Variants in TNKS observed in about 807,000 individuals in gnomAD.
TNKS encodes poly [ADP-ribose] polymerase tankyrase-1.
Under a neutral mutation model 135.8 loss-of-function variants are expected in TNKS, and 72 were observed. The ratio of observed to expected loss-of-function variants is 0.53; its 90% confidence interval spans 0.44 to 0.64. TNKS has a LOEUF of 0.64. Among genes scored for constraint, TNKS ranks in the 30% least tolerant of loss-of-function variants. TNKS has a pLI of 0.00. For missense variants in TNKS, 1,769 were observed against 1,674.0 expected, an observed-to-expected ratio of 1.06 and a Z score of -0.99; for synonymous variants, 849 against 649.3, an observed-to-expected ratio of 1.31 and a Z score of -4.68.
chr8:9,701,631 C>T (rs773707171), intron 5 of TNKS, among the ~76,000 whole-genome samples: 6 of 152,166 alleles, frequency 3.9e-5, no homozygotes, highest in Non-Finnish European at 8.8e-5. Context: ...CAGTGGTTTT[C>T]AGACATTGAG....
chr8:9,776,760 G>C lies in TNKS; in HGVS notation c.*24G>C, dbSNP rs771099873. 2 of 1,607,142 alleles carry C rather than the reference G, an allele frequency of 1.2e-6. No individual in the cohort carries two copies. The highest frequency in any genetic ancestry group is 1.7e-6 in the Non-Finnish European group (2 of 1,173,978). On this transcript the variant is annotated 3_prime_UTR_variant, in exon 27 of 27. Transcript: ENST00000310430. The stretch of plus-strand genomic sequence containing the variant: ...AGTGAATGCCTGCTGGTGAAGGCCA[G>C]ATCAGATTTCAACCTGGGACTGGAT...
At chr8:9,666,646 A>C (rs1802003922) in intron 3 of TNKS, among the ~76,000 whole-genome samples, 1 of 151,952 alleles carries the variant, frequency 6.6e-6, no homozygotes, top group African/African-American at 2.4e-5. Context: ...CTTGAAACCC[A>C]GGAGGCAGAG....
At chr8:9,682,412 C>T (rs1380093051) in intron 5 of TNKS, among the ~76,000 whole-genome samples, 1 of 151,966 alleles carries the variant, frequency 6.6e-6, no homozygotes, top group Non-Finnish European at 1.5e-5. Flanking sequence ...TGATATTTAA[C>T]AAATTCTCTC....
Position 9,556,468 on chromosome 8 carries a change from C to T in TNKS, c.529C>T (p.Pro177Ser), listed in dbSNP as rs1198788673. ...PGAAGPGTGVPAVSGALRELL... is the reference protein window; with the variant it reads ...PGAAGPGTGVSAVSGALRELL... The stretch of plus-strand genomic sequence containing the variant: ...GGCAGCAGGACCTGGGACAGGGGTC[C>T]CAGCAGTGAGCGGGGCCCTACGGGA... The change falls in exon 1 of 27, where the codon CCA becomes TCA. Residue 177 changes from proline (P) to serine (S), a missense_variant. Pro to Ser is a moderately conservative substitution (Grantham distance 74). Transcript: ENST00000310430. 2 of 1,614,152 alleles carry T rather than the reference C, an allele frequency of 1.2e-6. No individual in the cohort carries two copies. Among genetic ancestry groups the T allele is most frequent in the Admixed American group, 1.7e-5 (1 of 60,026 alleles).
At chr8:9,644,123 G>A (rs1043664351) in intron 3 of TNKS, among the ~76,000 whole-genome samples, 1 of 152,032 alleles carries the variant, frequency 6.6e-6, no homozygotes, top group Non-Finnish European at 1.5e-5. Flanking sequence ...AGAGAGGGGG[G>A]AATGGGGAAT....
At chr8:9,721,808 C>G (rs13268380) in intron 12 of TNKS, among the ~76,000 whole-genome samples, 83 of 151,960 alleles carry the variant, frequency 5.5e-4, no homozygotes, top group Non-Finnish European at 1.1e-3. Context: ...AATCCCAGCA[C>G]TTTGGGAGGC....
At chr8:9,641,266 A>G (rs1012898176) in intron 3 of TNKS, among the ~76,000 whole-genome samples, 1 of 144,252 alleles carries the variant, frequency 6.9e-6, no homozygotes, top group East Asian at 2.1e-4. Flanking sequence ...TTATATATGC[A>G]TATGCTCAAT....
intron 3 of TNKS, among the ~76,000 whole-genome samples, chr8:9,627,044 G>C (rs144088848): frequency 8.6e-4 from 131 of 152,284 alleles, no homozygotes; most frequent in African/African-American, 3.0e-3. Context: ...GAGGAAGGGA[G>C]AGAGGCTGAA....
chr8:9,772,825 G>GTGTC (rs1373067661), intron 26 of TNKS, among the ~76,000 whole-genome samples: 21 of 62,682 alleles, frequency 3.4e-4, no homozygotes, highest in African/African-American at 1.3e-3. Flanking sequence ...GTGTGTGTGT[G>GTGTC]TGTGTCTGTG....
chr8:9,592,258 T>G (rs1408570226), intron 2 of TNKS, among the ~76,000 whole-genome samples: 1 of 152,194 alleles, frequency 6.6e-6, no homozygotes, highest in Non-Finnish European at 1.5e-5. Flanking sequence ...TTTTTTTGGT[T>G]TGTGTTTTCC....
intron 20 of TNKS, among the ~76,000 whole-genome samples, chr8:9,753,194 T>G (rs1180313025): frequency 1.3e-5 from 2 of 152,192 alleles, no homozygotes; most frequent in African/African-American, 4.8e-5. Flanking sequence ...TGCAACTACC[T>G]CAAAAGAATG....
intron 5 of TNKS, among the ~76,000 whole-genome samples, chr8:9,699,695 C>G (rs550401464): frequency 6.6e-5 from 10 of 152,336 alleles, no homozygotes; most frequent in African/African-American, 2.4e-4. Context: ...GCTGCTGCCA[C>G]TTTGCTGACA....
At chr8:9,683,526 C>G (rs1462182267) in intron 5 of TNKS, among the ~76,000 whole-genome samples, 1 of 151,774 alleles carries the variant, frequency 6.6e-6, no homozygotes, top group African/African-American at 2.4e-5. Flanking sequence ...TTAACTGAGC[C>G]CTTTTCTTAG....
chr8:9,685,693 C>A (rs1802962320), intron 5 of TNKS, among the ~76,000 whole-genome samples: 1 of 152,146 alleles, frequency 6.6e-6, no homozygotes, highest in Admixed American at 6.5e-5. Context: ...CCCAGTGTCA[C>A]ATTTAATAAA....
chr8:9,657,906 G>A (rs1801488582), intron 3 of TNKS, among the ~76,000 whole-genome samples: 1 of 114,356 alleles, frequency 8.7e-6, no homozygotes, highest in Non-Finnish European at 1.9e-5. Context: ...CAGGCAGAGG[G>A]TCTCCTCACT....
chr8:9,764,810 T>C lies in TNKS; in HGVS notation c.3447+20T>C. The C allele has an allele frequency of 6.4e-7, 1 of 1,563,104 alleles. No individual in the cohort carries two copies. Among genetic ancestry groups the C allele is most frequent in the Non-Finnish European group, 8.6e-7 (1 of 1,156,856 alleles). ...ATTCGAGTAAGTTTTTAAAGTTTCA[T>C]GGTGAAAACTGGATTGCAAGGCTTG... On this transcript the variant is annotated intron_variant, in intron 23 of 26. Coordinates refer to ENST00000310430, the MANE Select transcript of TNKS (RefSeq NM_003747.3).
At chr8:9,626,480 C>T (rs925790538) in intron 3 of TNKS, among the ~76,000 whole-genome samples, 1 of 152,166 alleles carries the variant, frequency 6.6e-6, no homozygotes, top group African/African-American at 2.4e-5. Flanking sequence ...ATTGCAGTAG[C>T]AATAGGAAAC....
At chr8:9,685,511 C>T (rs1317072632) in intron 5 of TNKS, among the ~76,000 whole-genome samples, 1 of 152,130 alleles carries the variant, frequency 6.6e-6, no homozygotes, top group Non-Finnish European at 1.5e-5. Flanking sequence ...CTAGAATGGA[C>T]ACTTACATAC....
At chr8:9,672,672 A>C (rs1226703028) in intron 3 of TNKS, among the ~76,000 whole-genome samples, 6 of 135,326 alleles carry the variant, frequency 4.4e-5, no homozygotes, top group Non-Finnish European at 7.9e-5. Context: ...AAAAAAAAAA[A>C]AAAACACATA....
Sources: allele counts gnomAD v4.1 joint callset (sites outside exome capture counted in the v4.1 genomes callset), GRCh38; gene constraint gnomAD v4.1.1; transcripts MANE v1.5; gene names NCBI Gene and HGNC (gene_info 2026-07-23, HGNC 2026-07-21).